STON2: variants seen among roughly 807,000 people sequenced by gnomAD.
STON2 encodes stonin-2.
A neutral mutation model predicts 65.7 loss-of-function variants in STON2; 29 were observed. The observed-to-expected ratio is 0.44, with a 90% CI of 0.33 to 0.60. The LOEUF (loss-of-function observed/expected upper bound fraction) is 0.60, where lower values mean the gene tolerates loss of function less well. Ranked by LOEUF, STON2 falls within the 20% of genes least tolerant of loss-of-function variation. STON2 has a pLI of 0.03. For missense variants in STON2, 1,054 were observed against 1,118.1 expected, an observed-to-expected ratio of 0.94 and a Z score of 0.82; for synonymous variants, 404 against 414.2, an observed-to-expected ratio of 0.98 and a Z score of 0.30.
chr14:81,331,299 G>A (rs947048904), intron 4 of STON2, among the ~76,000 whole-genome samples: 5 of 152,226 alleles, frequency 3.3e-5, no homozygotes, highest in African/African-American at 4.8e-5. Context: ...TGGAAATGTG[G>A]ATAGGAGAAT....
chr14:81,435,786 A>G (rs1902395290), intron 1 of STON2, among the ~76,000 whole-genome samples: 2 of 152,170 alleles, frequency 1.3e-5, no homozygotes, highest in Non-Finnish European at 2.9e-5. Flanking sequence ...GGCAACGCGC[A>G]GAGAAAACTC....
At chr14:81,362,056 T>C (rs1898517327) in intron 4 of STON2, among the ~76,000 whole-genome samples, 1 of 152,162 alleles carries the variant, frequency 6.6e-6, no homozygotes, top group Admixed American at 6.5e-5. Flanking sequence ...TGCAATTTAG[T>C]ACAGCCATTA....
chr14:81,270,370 C>T, intron 7 of STON2: 3 of 1,348,306 alleles, frequency 2.2e-6, no homozygotes, highest in Non-Finnish European at 2.9e-6. Flanking sequence ...CAGGTGTGAG[C>T]CACTGTGCCT....
chr14:81,401,977 G>A (rs1900631486), upstream of STON2, among the ~76,000 whole-genome samples: 1 of 152,188 alleles, frequency 6.6e-6, no homozygotes, highest in Admixed American at 6.5e-5. Flanking sequence ...TCTGGACAGG[G>A]GATCACCGCA....
At chr14:81,343,479 G>A (rs969356564) in intron 4 of STON2, among the ~76,000 whole-genome samples, 1 of 145,714 alleles carries the variant, frequency 6.9e-6, no homozygotes, top group Non-Finnish European at 1.5e-5. Flanking sequence ...TTTTCTTCCT[G>A]ATTCCAATTC....
intron 4 of STON2, among the ~76,000 whole-genome samples, chr14:81,337,788 G>A (rs1002566158): frequency 6.6e-6 from 1 of 152,068 alleles, no homozygotes; most frequent in Admixed American, 6.5e-5. Flanking sequence ...ATGTATGGGG[G>A]TGTCACATTA....
intron 5 of STON2, among the ~76,000 whole-genome samples, chr14:81,297,488 T>C (rs1895806394): frequency 6.6e-6 from 1 of 152,196 alleles, no homozygotes; most frequent in African/African-American, 2.4e-5. Context: ...TGAGCAAATT[T>C]CTCAATTTCT....
At chr14:81,399,868 G>T (rs1020830325) in intron 1 of STON2, among the ~76,000 whole-genome samples, 3 of 152,060 alleles carry the variant, frequency 2.0e-5, no homozygotes, top group Non-Finnish European at 2.9e-5. Flanking sequence ...CACAGTGGCT[G>T]ACTTTTCTTC....
At chr14:81,399,113 T>TGGAGTAAGA (rs1900475570) in intron 1 of STON2, among the ~76,000 whole-genome samples, 1 of 152,226 alleles carries the variant, frequency 6.6e-6, no homozygotes, top group African/African-American at 2.4e-5. Flanking sequence ...CTTGTTCATT[T>TGGAGTAAGA]GGAGTAAGAG....
rs1456685502 is a variant in STON2 at position 81,266,802 on chromosome 14, A to C, written c.*1612T>G. 1 of 925,884 alleles carries C rather than the reference A, an allele frequency of 1.1e-6. No homozygotes were observed. Among genetic ancestry groups the C allele is most frequent in the Non-Finnish European group, 1.2e-6 (1 of 808,176 alleles). 57.4% of individuals were successfully genotyped at this position (925,884 alleles called of 1,614,324 possible). A position where few individuals can be genotyped will look rare whatever the true frequency, so the allele number is the denominator to read the frequency against. On this transcript the variant is annotated 3_prime_UTR_variant, in exon 8 of 8. Transcript: ENST00000614646. ...AGGTCTTCCTAACACCGTTCCCATC[A>C]ACACCACACACATAAACACACACAA...
At position 81,266,668 on chromosome 14, in the gene STON2, A is replaced by G; in HGVS notation, c.*1746T>C. 1 of 985,250 alleles carries G rather than the reference A, an allele frequency of 1.0e-6. No individual in the cohort carries two copies. Among genetic ancestry groups the G allele is most frequent in the African/African-American group, 1.7e-5 (1 of 57,378 alleles). 61.0% of individuals were successfully genotyped at this position (985,250 alleles called of 1,614,324 possible). ...AATAAAAGCATGTAAGGCTTTTATT[A>G]ACACCAGCTGACTACATTAGCTTTG... On this transcript the variant is annotated 3_prime_UTR_variant, in exon 8 of 8. Coordinates refer to ENST00000614646, the MANE Select transcript of STON2 (RefSeq NM_001394390.1).
chr14:81,325,377 A>G (rs1253934278), intron 4 of STON2, among the ~76,000 whole-genome samples: 1 of 152,104 alleles, frequency 6.6e-6, no homozygotes, highest in Non-Finnish European at 1.5e-5. Flanking sequence ...TTCCCTTCCC[A>G]AAGAGGGGAA....
At chr14:81,323,192 T>A (rs558683113) in intron 5 of STON2, among the ~76,000 whole-genome samples, 57 of 152,336 alleles carry the variant, frequency 3.7e-4, no homozygotes, top group African/African-American at 1.3e-3. Flanking sequence ...GGCTTGTGTT[T>A]AGAATAAATA....
At chr14:81,301,368 A>G (rs995849195) in intron 5 of STON2, among the ~76,000 whole-genome samples, 6 of 152,186 alleles carry the variant, frequency 3.9e-5, no homozygotes, top group Admixed American at 2.0e-4. Flanking sequence ...AAAAGAAGGA[A>G]TAAGACTTTG....
intron 5 of STON2, among the ~76,000 whole-genome samples, chr14:81,313,130 G>A (rs1184165512): frequency 6.6e-6 from 1 of 152,006 alleles, no homozygotes; most frequent in Non-Finnish European, 1.5e-5. Flanking sequence ...GCCTCATTCC[G>A]TGGTTTCTGT....
In STON2 at chr14:81,264,551, AG is replaced by A; in HGVS notation, c.*3862del. The A allele has an allele frequency of 1.0e-6, 1 of 984,358 alleles. No homozygotes were observed. Among genetic ancestry groups the A allele is most frequent in the Non-Finnish European group, 1.2e-6 (1 of 828,944 alleles). The allele number at this position is 984,358 out of a possible 1,614,324, so 61.0% of individuals were successfully genotyped here. ...GTTGGAAACACAAAAAATTATATATAGTCCTTGCCTTCATGGATCCCATTTA... is the reference window on the plus strand; with the variant it reads ...GTTGGAAACACAAAAAATTATATATATCCTTGCCTTCATGGATCCCATTTA... On this transcript the variant is annotated 3_prime_UTR_variant, in exon 8 of 8. Coordinates refer to ENST00000614646, the MANE Select transcript of STON2 (RefSeq NM_001394390.1).
At chr14:81,407,851 T>C (rs1200623084) in intron 2 of STON2, among the ~76,000 whole-genome samples, 1 of 152,234 alleles carries the variant, frequency 6.6e-6, no homozygotes, top group African/African-American at 2.4e-5. Flanking sequence ...GAATTGTGCA[T>C]AGCACAGCGA....
Position 81,277,217 on chromosome 14 carries a change from C to A in STON2, c.2265G>T (p.Gly755=). The stretch of plus-strand genomic sequence containing the variant: ...GCCAGCTCTGCACCTCCACCTCTGC[C>A]CCATTGACACTTGTGGCCGTCCTGA... ...FTLRTATSVN[G]AEVEVQSWLR... is the part of the protein sequence containing the mutation. The change falls in exon 6 of 8, where the codon GGG becomes GGT. Residue 755 remains glycine (G), a synonymous_variant. Transcript: ENST00000614646. 2 of 1,614,192 alleles carry A rather than the reference C, an allele frequency of 1.2e-6. No homozygotes were observed. Among genetic ancestry groups the A allele is most frequent in the Non-Finnish European group, 1.7e-6 (2 of 1,180,032 alleles).
intron 4 of STON2, chr14:81,333,047 T>C: frequency 1.5e-6 from 1 of 652,706 alleles, no homozygotes; most frequent in East Asian, 2.8e-5. Context: ...TGTTGCTTTC[T>C]TGAGTTCTTT....
Sources: allele counts gnomAD v4.1 joint callset (sites outside exome capture counted in the v4.1 genomes callset), GRCh38; gene constraint gnomAD v4.1.1; transcripts MANE v1.5; gene names NCBI Gene and HGNC (gene_info 2026-07-23, HGNC 2026-07-21).